Variants in DNER observed in about 807,000 individuals in gnomAD.
DNER encodes delta/notch like EGF repeat containing.
A neutral mutation model predicts 78.2 loss-of-function variants in DNER; 33 were observed. The observed-to-expected ratio is 0.42, with a 90% confidence interval of 0.32 to 0.56. The LOEUF (loss-of-function observed/expected upper bound fraction) is 0.56, where lower values mean the gene tolerates loss of function less well. Among genes scored for constraint, DNER ranks in the 20% least tolerant of loss-of-function variants. The probability of loss-of-function intolerance (pLI) is 0.11; values close to 1 mark genes in which losing one functional copy is unlikely to be tolerated. For missense variants in DNER, 918 were observed against 975.3 expected (o/e 0.94, Z 0.78); for synonymous variants, 417 against 384.8 (o/e 1.08, Z -0.98).
At chr2:229,490,237 G>A (rs2154211677) in intron 6 of DNER, among the ~76,000 whole-genome samples, 2 of 152,314 alleles carry the variant, frequency 1.3e-5, no homozygotes, top group Middle Eastern at 6.8e-3. Context: ...AGAAGCACAT[G>A]ATCCTGGAGG....
chr2:229,546,049 A>G (rs575294270), intron 5 of DNER, among the ~76,000 whole-genome samples: 1 of 152,354 alleles, frequency 6.6e-6, no homozygotes, highest in African/African-American at 2.4e-5. Flanking sequence ...TCTCTACTTT[A>G]TACCAAAGCA....
rs547864842 is a variant in DNER at position 229,467,911 on chromosome 2, G to T, written c.1261+9229C>A. Among the ~76,000 whole-genome samples the T allele has an allele frequency of 1.2e-4, 19 of 152,296 alleles. 1 individual carries two copies. In the South Asian group the frequency reaches 3.9e-3, roughly 32 times the overall value. ...ACCAAAGCAGGCAGGTTTTGGAAGG[G>T]AGTCAAAATACAGAGGCAGCAGCCA... On this transcript the variant is annotated intron_variant, in intron 7 of 12. Transcript: ENST00000341772.
intron 4 of DNER, among the ~76,000 whole-genome samples, chr2:229,548,536 G>C (rs1197485151): frequency 1.3e-5 from 2 of 152,050 alleles, no homozygotes; most frequent in Non-Finnish European, 2.9e-5. Context: ...GGTGAGAGTT[G>C]AACAATGAGG....
At chr2:229,453,697 T>G (rs720915) in intron 7 of DNER, among the ~76,000 whole-genome samples, 152,170 of 152,172 alleles carry the variant, frequency 1, 76,084 homozygotes, top group Non-Finnish European at 1. Context: ...ACCCCACCCT[T>G]TCTGCCTCCT....
At chr2:229,401,374 T>G (rs1490311600) in intron 10 of DNER, among the ~76,000 whole-genome samples, 1 of 152,048 alleles carries the variant, frequency 6.6e-6, no homozygotes, top group Non-Finnish European at 1.5e-5. Flanking sequence ...AACCTATATA[T>G]GACAGTTTAC....
chr2:229,479,732 CAAA>C (rs1559362940), intron 6 of DNER, among the ~76,000 whole-genome samples: 1 of 114,094 alleles, frequency 8.8e-6, no homozygotes, highest in Non-Finnish European at 2.0e-5. Flanking sequence ...AAAAAAAAAA[CAAA>C]AAACCATAAA....
intron 11 of DNER, among the ~76,000 whole-genome samples, chr2:229,374,789 TA>T (rs559811559): frequency 0.02 from 2,983 of 149,706 alleles, 92 homozygotes; most frequent in African/African-American, 0.068. Flanking sequence ...GACTCACATT[TA>T]AAAAAAAAAA....
At chr2:229,632,491 C>A (rs1189028806) in intron 1 of DNER, among the ~76,000 whole-genome samples, 26 of 152,156 alleles carry the variant, frequency 1.7e-4, no homozygotes, top group Non-Finnish European at 1.5e-5. Flanking sequence ...AACTGGTACA[C>A]AAATATCTAT....
intron 3 of DNER, chr2:229,586,825 TCACAGTAGACTC>T: frequency 2.0e-6 from 2 of 985,808 alleles, no homozygotes; most frequent in African/African-American, 3.5e-5. Flanking sequence ...CTGGAGAAGA[TCACAGTAGACTC>T]CGCACAGATC....
At chr2:229,596,930 C>CACACAT (rs1697725075) in intron 1 of DNER, among the ~76,000 whole-genome samples, 2 of 152,184 alleles carry the variant, frequency 1.3e-5, no homozygotes, top group African/African-American at 4.8e-5. Flanking sequence ...CACATGCACA[C>CACACAT]GCACATGCAC....
At chr2:229,377,719 G>A (rs1692639577) in intron 11 of DNER, among the ~76,000 whole-genome samples, 1 of 152,046 alleles carries the variant, frequency 6.6e-6, no homozygotes, top group African/African-American at 2.4e-5. Context: ...TTACCCCAAA[G>A]GGGCAAATAA....
At chr2:229,597,441 T>C (rs1335702281) in intron 1 of DNER, among the ~76,000 whole-genome samples, 1 of 152,198 alleles carries the variant, frequency 6.6e-6, no homozygotes, top group Admixed American at 6.5e-5. Context: ...TTTTATCTCA[T>C]TAAGGAAAAG....
At chr2:229,499,932 T>TTTC (rs1491582990) in intron 6 of DNER, among the ~76,000 whole-genome samples, 181 of 16,896 alleles carry the variant, frequency 0.011, 2 homozygotes, top group Middle Eastern at 0.031. Context: ...ACTTTCTTTC[T>TTTC]TTTTTTTTTT....
intron 6 of DNER, among the ~76,000 whole-genome samples, chr2:229,510,735 G>A (rs538620359): frequency 6.6e-6 from 1 of 152,182 alleles, no homozygotes; most frequent in Non-Finnish European, 1.5e-5. Flanking sequence ...CCTAAATGGA[G>A]ATGCCATGTA....
At chr2:229,701,237 C>T (rs137927602) in intron 1 of DNER, among the ~76,000 whole-genome samples, 1 of 152,278 alleles carries the variant, frequency 6.6e-6, no homozygotes, top group African/African-American at 2.4e-5. Flanking sequence ...AAACTATGAG[C>T]TGATTTCATA....
intron 7 of DNER, among the ~76,000 whole-genome samples, chr2:229,466,059 C>G (rs1694798414): frequency 6.6e-6 from 1 of 152,160 alleles, no homozygotes; most frequent in Admixed American, 6.5e-5. Flanking sequence ...TAACAGGTTT[C>G]TCTAATTCTT....
At chr2:229,510,726 C>A (rs138475568) in intron 6 of DNER, among the ~76,000 whole-genome samples, 1 of 152,154 alleles carries the variant, frequency 6.6e-6, no homozygotes, top group African/African-American at 2.4e-5. Flanking sequence ...CCTGGGACAC[C>A]TAAATGGAGA....
chr2:229,505,302 A>T (rs1204505533), intron 6 of DNER, among the ~76,000 whole-genome samples: 6 of 151,824 alleles, frequency 4.0e-5, no homozygotes, highest in Admixed American at 3.9e-4. Context: ...CCTGCAGGGA[A>T]TCGGAACTGG....
chr2:229,550,267 A>G (rs1286643662), intron 4 of DNER, among the ~76,000 whole-genome samples: 2 of 151,842 alleles, frequency 1.3e-5, no homozygotes, highest in Non-Finnish European at 2.9e-5. Flanking sequence ...TGCTGGGATT[A>G]CAGGCAGGAG....
Sources: gnomAD v4.1 joint callset for allele counts (sites outside exome capture counted in the v4.1 genomes callset) on GRCh38, gnomAD v4.1.1 for gene constraint, MANE v1.5 for transcripts, NCBI Gene and HGNC (gene_info 2026-07-23, HGNC 2026-07-21) for gene names.